Variants in CNTLN observed in about 807,000 individuals in gnomAD.
The protein encoded by CNTLN is centlein, centrosomal protein.
A neutral mutation model predicts 180.0 loss-of-function variants in CNTLN; 212 were observed. The ratio of observed to expected loss-of-function variants is 1.18; its 90% CI spans 1.05 to 1.32. The LOEUF (loss-of-function observed/expected upper bound fraction) is 1.32. Ranked by LOEUF, CNTLN falls within the 40% of genes most tolerant of loss-of-function variation. The probability of loss-of-function intolerance (pLI) is 0.00; values close to 1 mark genes in which losing one functional copy is unlikely to be tolerated. For missense variants in CNTLN, 2,095 were observed against 1,610.9 expected, an observed-to-expected ratio of 1.30 and a Z score of -5.14; for synonymous variants, 722 against 563.1, an observed-to-expected ratio of 1.28 and a Z score of -3.99.
At chr9:17,343,747 C>T (rs1027844340) in intron 12 of CNTLN, among the ~76,000 whole-genome samples, 6 of 152,052 alleles carry the variant, frequency 3.9e-5, no homozygotes, top group Non-Finnish European at 8.8e-5. Context: ...CTGCACCGTC[C>T]ATTATCACAA....
chr9:17,313,512 G>A (rs1167927703), intron 8 of CNTLN, among the ~76,000 whole-genome samples: 2 of 151,698 alleles, frequency 1.3e-5, no homozygotes, highest in East Asian at 1.9e-4. Flanking sequence ...TCACTTAAAC[G>A]TAATGTGTCA....
chr9:17,473,136 G>GA (rs1368672493), intron 23 of CNTLN, among the ~76,000 whole-genome samples: 2 of 152,254 alleles, frequency 1.3e-5, no homozygotes, highest in African/African-American at 4.8e-5. Context: ...TAACCATGCT[G>GA]ATTCATCTTT....
intron 18 of CNTLN, among the ~76,000 whole-genome samples, chr9:17,441,863 T>C (rs1830130583): frequency 6.6e-6 from 1 of 152,110 alleles, no homozygotes; most frequent in Non-Finnish European, 1.5e-5. Flanking sequence ...CTATATTCCA[T>C]ACAAAGGGTA....
chr9:17,464,747 C>CTTTGT, intron 21 of CNTLN, 124 bp downstream of exon 21: 6 of 546,020 alleles, frequency 1.1e-5, no homozygotes, highest in Non-Finnish European at 1.8e-5. Context: ...TTTACTGTTA[C>CTTTGT]AAAGTAACAC....
intron 23 of CNTLN, among the ~76,000 whole-genome samples, chr9:17,472,148 A>G (rs1832072252): frequency 6.6e-6 from 1 of 152,124 alleles, no homozygotes; most frequent in South Asian, 2.1e-4. Flanking sequence ...TAGTAACAAC[A>G]CTACTCATTA....
intron 2 of CNTLN, among the ~76,000 whole-genome samples, chr9:17,197,536 T>C (rs778456867): frequency 1.2e-4 from 18 of 152,214 alleles, no homozygotes; most frequent in Non-Finnish European, 2.4e-4. Context: ...GTATGTCTTC[T>C]TTTGAGAAAT....
chr9:17,217,550 C>T (rs1251187136), intron 2 of CNTLN, among the ~76,000 whole-genome samples: 1 of 152,234 alleles, frequency 6.6e-6, no homozygotes, highest in Non-Finnish European at 1.5e-5. Context: ...AGGCAGGCAT[C>T]ATTTAAAAAT....
chr9:17,272,112 CCCTT>C (rs558535356), intron 5 of CNTLN, among the ~76,000 whole-genome samples: 1 of 142,658 alleles, frequency 7.0e-6, no homozygotes, highest in Non-Finnish European at 1.5e-5. Context: ...CTCCCTCCCT[CCCTT>C]CCTTCCTTTC....
chr9:17,322,286 A>G (rs1244234333), intron 8 of CNTLN, among the ~76,000 whole-genome samples: 3 of 152,160 alleles, frequency 2.0e-5, no homozygotes, highest in East Asian at 1.9e-4. Flanking sequence ...TTTATTTAAA[A>G]GAAAAATTTG....
In CNTLN at chr9:17,260,887, C is replaced by A. The variant is rs1015562010; in HGVS notation, c.850-12846C>A. Among the ~76,000 whole-genome samples the A allele has an allele frequency of 2.0e-5, 3 of 151,432 alleles. 1 individual carries two copies. The highest frequency in any genetic ancestry group is 2.0e-4 in the Admixed American group (3 of 15,232). ...GAAGGGGTCCAGTTTCAATCTTCCG[C>A]ATTTGGCTAGCCAGTTATCTCAGCA... On this transcript the variant is annotated intron_variant, in intron 5 of 25. Transcript: ENST00000380647.
At chr9:17,312,578 T>A (rs1362696076) in intron 8 of CNTLN, among the ~76,000 whole-genome samples, 2 of 78,586 alleles carry the variant, frequency 2.5e-5, no homozygotes, top group Non-Finnish European at 2.8e-5. Flanking sequence ...TTTTTTTTTG[T>A]ATTTTTAGTA....
chr9:17,438,172 C>A (rs1340288169), intron 18 of CNTLN, among the ~76,000 whole-genome samples: 1 of 151,848 alleles, frequency 6.6e-6, no homozygotes, highest in East Asian at 1.9e-4. Flanking sequence ...GGCCCTGTAC[C>A]TTGGTAGTTT....
At chr9:17,151,992 G>C (rs552807343) in intron 2 of CNTLN, among the ~76,000 whole-genome samples, 2 of 152,196 alleles carry the variant, frequency 1.3e-5, no homozygotes, top group East Asian at 3.9e-4. Flanking sequence ...TATTTCTTTG[G>C]GATCAGTGGT....
intron 9 of CNTLN, among the ~76,000 whole-genome samples, chr9:17,331,306 A>T (rs1820628473): frequency 6.6e-6 from 1 of 151,688 alleles, no homozygotes; most frequent in African/African-American, 2.4e-5. Context: ...ATTTAAAGGG[A>T]TAGCATTAAG....
chr9:17,378,319 A>G (rs1218672376), intron 13 of CNTLN, among the ~76,000 whole-genome samples: 1 of 152,126 alleles, frequency 6.6e-6, no homozygotes, highest in Non-Finnish European at 1.5e-5. Flanking sequence ...AGCTAGGATT[A>G]CAGGCATGCA....
chr9:17,297,090 G>T (rs986287070), intron 6 of CNTLN, among the ~76,000 whole-genome samples: 2 of 152,134 alleles, frequency 1.3e-5, no homozygotes, highest in African/African-American at 4.8e-5. Context: ...AACCAATCAT[G>T]AATTGAAAAT....
chr9:17,370,500 A>G (rs1211378560), intron 13 of CNTLN, among the ~76,000 whole-genome samples: 1 of 152,202 alleles, frequency 6.6e-6, no homozygotes, highest in East Asian at 1.9e-4. Context: ...AAATGCTTTG[A>G]CAGGCAAACA....
rs569692164 is a variant in CNTLN, at chr9:17,345,134, T to A, written c.1886+2690T>A. Among the ~76,000 whole-genome samples, 7 of 152,188 alleles carry A rather than the reference T, an allele frequency of 4.6e-5. No homozygotes were observed. In the South Asian group the frequency reaches 1.5e-3, roughly 32 times the overall value. On this transcript the variant is annotated intron_variant, in intron 12 of 25. Coordinates refer to ENST00000380647, the MANE Select transcript of CNTLN (RefSeq NM_017738.4). ...CATCTATTGAAGAACATTTGGGTTT[T>A]TTCTAGTTTTTTGCAATTATGAATA...
intron 2 of CNTLN, among the ~76,000 whole-genome samples, chr9:17,174,329 G>C (rs3119847): frequency 0.23 from 34,998 of 152,044 alleles, 4,781 homozygotes; most frequent in African/African-American, 0.38. Flanking sequence ...GTAAACCTAA[G>C]TTTTTATTTA....
Sources: allele counts gnomAD v4.1 joint callset (sites outside exome capture counted in the v4.1 genomes callset), GRCh38; gene constraint gnomAD v4.1.1; transcripts MANE v1.5; gene names NCBI Gene and HGNC (gene_info 2026-07-23, HGNC 2026-07-21).